Variants in TENM4 observed in about 807,000 individuals in gnomAD.
TENM4 encodes teneurin-4.
Under a neutral mutation model 243.3 loss-of-function variants are expected in TENM4, and 82 were observed. The ratio of observed to expected loss-of-function variants is 0.34; its 90% CI spans 0.28 to 0.40. TENM4 has a LOEUF of 0.40. Among genes scored for constraint, TENM4 ranks in the 10% least tolerant of loss-of-function variants. The pLI is 1.00. For synonymous variants in TENM4, 1,412 were observed against 1,456.3 expected, an observed-to-expected ratio of 0.97 and a Z score of 0.69; for missense variants, 3,138 against 3,673.3, an observed-to-expected ratio of 0.85 and a Z score of 3.77.
intron 6 of TENM4, among the ~76,000 whole-genome samples, chr11:78,933,555 C>T (rs1016172427): frequency 1.3e-5 from 2 of 152,184 alleles, no homozygotes; most frequent in Admixed American, 1.3e-4. Context: ...CATAAAAATA[C>T]ACTCAAACAC....
At chr11:78,849,034 C>G (rs964779069) in intron 12 of TENM4, among the ~76,000 whole-genome samples, 1 of 152,188 alleles carries the variant, frequency 6.6e-6, no homozygotes, top group African/African-American at 2.4e-5. Context: ...ATTCTCATTT[C>G]TTTTCTCTAG....
chr11:79,131,490 G>C (rs2137162296), intron 4 of TENM4, among the ~76,000 whole-genome samples: 1 of 152,310 alleles, frequency 6.6e-6, no homozygotes, highest in Admixed American at 6.5e-5. Flanking sequence ...AAGAGAATTT[G>C]CCGCTACCCA....
intron 15 of TENM4, among the ~76,000 whole-genome samples, chr11:78,800,431 A>C (rs1857256552): frequency 6.6e-6 from 1 of 152,172 alleles, no homozygotes; most frequent in Non-Finnish European, 1.5e-5. Context: ...GACAAGGAGC[A>C]CAGAGATTTG....
chr11:78,706,914 CAA>C (rs1859268465), intron 27 of TENM4, among the ~76,000 whole-genome samples: 2 of 152,288 alleles, frequency 1.3e-5, no homozygotes, highest in Admixed American at 6.5e-5. Flanking sequence ...GCCAAAACTG[CAA>C]AGACGAGTGG....
chr11:78,720,359 G>A lies in TENM4; in HGVS notation c.3821+11C>T, dbSNP rs769866631. On this transcript the variant is annotated intron_variant, in intron 25 of 33. Transcript: ENST00000278550. Reference sequence around the variant, plus strand: ...GGGGTGAGGCAGGAAATTCTCCACTGGTTGGCTTACCTATGTCTGAAATCT... The same window carrying A: ...GGGGTGAGGCAGGAAATTCTCCACTAGTTGGCTTACCTATGTCTGAAATCT... 3 of 1,613,830 alleles carry A rather than the reference G, an allele frequency of 1.9e-6. No homozygotes were observed. The highest frequency in any genetic ancestry group is 2.2e-5 in the East Asian group (1 of 44,884).
chr11:78,808,992 T>C (rs1857442519), intron 14 of TENM4, among the ~76,000 whole-genome samples: 1 of 152,146 alleles, frequency 6.6e-6, no homozygotes, highest in Admixed American at 6.5e-5. Flanking sequence ...AATAAAGGTA[T>C]TTCCTTTTCT....
chr11:78,695,040 TTTAA>T (rs944943507), intron 28 of TENM4, among the ~76,000 whole-genome samples: 22 of 152,274 alleles, frequency 1.4e-4, no homozygotes, highest in African/African-American at 5.1e-4. Flanking sequence ...TATTTTTATT[TTTAA>T]TTAATTAATT....
At chr11:79,314,295 G>A (rs1856769207) in intron 1 of TENM4, among the ~76,000 whole-genome samples, 1 of 152,162 alleles carries the variant, frequency 6.6e-6, no homozygotes, top group Non-Finnish European at 1.5e-5. Flanking sequence ...CAAACAGAAG[G>A]CATTTAACTG....
chr11:79,348,430 T>A (rs78160474), intron 1 of TENM4, among the ~76,000 whole-genome samples: 2,994 of 152,296 alleles, frequency 0.02, 94 homozygotes, highest in African/African-American at 0.069. Context: ...AAATTCCAGC[T>A]ACTGATCACA....
At position 79,352,418 on chromosome 11, in the gene TENM4, T is replaced by C. The variant is rs538787757; in HGVS notation, c.-320-54875A>G. Among the ~76,000 whole-genome samples, 4 of 152,318 alleles carry C rather than the reference T, an allele frequency of 2.6e-5. No individual in the cohort carries two copies. The South Asian group carries it at 8.3e-4, about 32-fold the overall frequency. On this transcript the variant is annotated intron_variant, in intron 1 of 33. Coordinates refer to ENST00000278550, the MANE Select transcript of TENM4 (RefSeq NM_001098816.3). ...ATGGAGCCAAGAGTGACCTCCCCTCTGCTGCCCCAATCATGCCCAGCCCCC... is the reference window on the plus strand; with the variant it reads ...ATGGAGCCAAGAGTGACCTCCCCTCCGCTGCCCCAATCATGCCCAGCCCCC...
At chr11:79,109,936 GT>G (rs1180364693) in intron 4 of TENM4, among the ~76,000 whole-genome samples, 1 of 152,212 alleles carries the variant, frequency 6.6e-6, no homozygotes, top group Non-Finnish European at 1.5e-5. Context: ...CTGGCACACT[GT>G]GAATGCTAAT....
intron 3 of TENM4, among the ~76,000 whole-genome samples, chr11:79,178,746 C>T (rs1164241573): frequency 4.6e-5 from 7 of 152,184 alleles, no homozygotes; most frequent in Non-Finnish European, 1.0e-4. Context: ...GTCTCCCCCA[C>T]ACCCACCCAC....
rs965095883 is a variant in TENM4 at position 79,090,965 on chromosome 11, G to A, written c.-65-20956C>T. ...CTCCCTCACCCATTCTGGGGTTGTG[G>A]GGGAGTCAGGCTGGCTTTTTGGGGT... is the stretch of plus-strand genomic sequence containing the variant. On this transcript the variant is annotated intron_variant, in intron 4 of 33. Coordinates refer to ENST00000278550, the MANE Select transcript of TENM4 (RefSeq NM_001098816.3). Among the ~76,000 whole-genome samples the A allele has an allele frequency of 9.8e-5, 15 of 152,316 alleles. No individual in the cohort carries two copies. In the South Asian group the frequency reaches 3.1e-3, roughly 32 times the overall value.
At chr11:79,152,621 G>A (rs1425570322) in intron 3 of TENM4, among the ~76,000 whole-genome samples, 1 of 152,250 alleles carries the variant, frequency 6.6e-6, no homozygotes, top group African/African-American at 2.4e-5. Flanking sequence ...CAACCTTCCA[G>A]TGGAACGGGA....
At chr11:79,362,078 G>A (rs573654808) in intron 1 of TENM4, among the ~76,000 whole-genome samples, 2 of 152,270 alleles carry the variant, frequency 1.3e-5, no homozygotes, top group East Asian at 3.9e-4. Flanking sequence ...TTAGGAAAAA[G>A]GGTTGTTCCA....
chr11:79,152,281 G>A (rs1198466466), intron 3 of TENM4, among the ~76,000 whole-genome samples: 1 of 152,154 alleles, frequency 6.6e-6, no homozygotes, highest in East Asian at 1.9e-4. Context: ...TGCTTAGTCA[G>A]AAAATGAGAG....
At chr11:78,696,766 AG>A (rs748772660) in intron 28 of TENM4, among the ~76,000 whole-genome samples, 69 of 152,246 alleles carry the variant, frequency 4.5e-4, no homozygotes, top group Non-Finnish European at 5.9e-4. Context: ...ACTCCCTCCC[AG>A]CAGTCTTCTG....
chr11:79,372,202 A>T (rs1452311960), intron 1 of TENM4, among the ~76,000 whole-genome samples: 1 of 152,066 alleles, frequency 6.6e-6, no homozygotes, highest in Non-Finnish European at 1.5e-5. Context: ...ATTTTTTCCA[A>T]TCCCAGTCTC....
At chr11:79,164,795 T>G (rs2135099793) in intron 3 of TENM4, among the ~76,000 whole-genome samples, 1 of 151,924 alleles carries the variant, frequency 6.6e-6, no homozygotes, top group Admixed American at 6.6e-5. Context: ...TGCTTCATCA[T>G]TTTCTCTTGC....
Sources: gnomAD v4.1 joint callset for allele counts (sites outside exome capture counted in the v4.1 genomes callset) on GRCh38, gnomAD v4.1.1 for gene constraint, MANE v1.5 for transcripts, NCBI Gene and HGNC (gene_info 2026-07-23, HGNC 2026-07-21) for gene names.